STAB2: variants seen among roughly 807,000 people sequenced by gnomAD.
The protein encoded by STAB2 is stabilin-2.
A neutral mutation model predicts 338.1 loss-of-function variants in STAB2; 288 were observed. The observed-to-expected ratio is 0.85, with a 90% CI of 0.77 to 0.94. The LOEUF (loss-of-function observed/expected upper bound fraction) is 0.94. STAB2 is among the 40% of genes least tolerant of loss of function. The probability of loss-of-function intolerance (pLI) is 0.00; values close to 1 mark genes in which losing one functional copy is unlikely to be tolerated. For synonymous variants in STAB2, 1,202 were observed against 1,193.3 expected (o/e 1.01, Z -0.15); for missense variants, 3,141 against 3,210.1 (o/e 0.98, Z 0.52).
At chr12:103,701,646 T>C (rs965191396) in intron 34 of STAB2, among the ~76,000 whole-genome samples, 2 of 152,212 alleles carry the variant, frequency 1.3e-5, no homozygotes, top group Non-Finnish European at 2.9e-5. Context: ...TTTTAGTATT[T>C]AAAAATAGCT....
intron 9 of STAB2, among the ~76,000 whole-genome samples, chr12:103,640,512 G>A (rs1872846613): frequency 6.6e-6 from 1 of 152,110 alleles, no homozygotes; most frequent in Non-Finnish European, 1.5e-5. Flanking sequence ...GATATGAAGT[G>A]GTCAGAATGT....
intron 3 of STAB2, among the ~76,000 whole-genome samples, chr12:103,614,440 A>G (rs972037135): frequency 6.6e-6 from 1 of 152,210 alleles, no homozygotes; most frequent in East Asian, 1.9e-4. Context: ...TAGCCACTGG[A>G]GGCTATACCT....
At chr12:103,663,540 G>T (rs1404435968) in intron 18 of STAB2, among the ~76,000 whole-genome samples, 1 of 151,992 alleles carries the variant, frequency 6.6e-6, no homozygotes, top group African/African-American at 2.4e-5. Context: ...TAGAGATGGG[G>T]TTTCACCATC....
At chr12:103,689,756 T>A (rs1877760213) in intron 28 of STAB2, 90 bp from the exon 29 acceptor site, 11 of 1,506,634 alleles carry the variant, frequency 7.3e-6, no homozygotes, top group African/African-American at 1.4e-5. Context: ...CAGTATCTTA[T>A]GGGAAATTGT....
chr12:103,677,740 A>G (rs2138847673), intron 25 of STAB2, 129 bp downstream of exon 25: 4 of 1,184,802 alleles, frequency 3.4e-6, no homozygotes, highest in African/African-American at 1.5e-5. Context: ...GGCAGTGAAC[A>G]TGGGTTCATT....
rs1042910669 is a variant in STAB2, at chr12:103,637,230, T to C, written c.703T>C (p.Cys235Arg). The change falls in exon 7 of 69, where the codon TGC becomes CGC. Residue 235 changes from cysteine to arginine, a missense_variant. Coordinates refer to ENST00000388887, the MANE Select transcript of STAB2 (RefSeq NM_017564.10). Reference sequence around the variant, plus strand: ...CAATTACCGAGGCGATGGCAAATACTGCGACCGTGAGTAGAATTTAGATTC... The same window carrying C: ...CAATTACCGAGGCGATGGCAAATACCGCGACCGTGAGTAGAATTTAGATTC... ...LPNYRGDGKY[C>R]DPINPCLRKI... 7 of 1,610,798 alleles carry C rather than the reference T, an allele frequency of 4.3e-6. No individual in the cohort carries two copies. The highest frequency in any genetic ancestry group is 4.0e-5 in the African/African-American group (3 of 74,752).
chr12:103,689,858 C>T lies in STAB2; in HGVS notation c.3058C>T (p.Gln1020Ter). 1 of 1,613,822 alleles carries T rather than the reference C, an allele frequency of 6.2e-7. No individual in the cohort carries two copies. ...FNRWINNASL[Q>*]PTLSATSNLT... is the part of the protein sequence containing the mutation. ...TTCTGTGGTTCAGAATGCTTCTCTA[C>T]AACCCACACTGTCAGCCACCTCAAA... is the stretch of plus-strand genomic sequence containing the variant. The change falls in exon 29 of 69, where the codon CAA (glutamine) becomes TAA (stop). Residue 1020 changes from glutamine to a stop codon, truncating the protein, a stop_gained. Transcript: ENST00000388887. LOFTEE classifies it high-confidence loss of function.
In STAB2 at chr12:103,590,928, C is replaced by T; in HGVS notation, c.113C>T (p.Thr38Ile). Residue 38 changes from threonine to isoleucine, a missense_variant, in exon 2 of 69, where the codon ACA becomes ATA. Coordinates refer to ENST00000388887, the MANE Select transcript of STAB2 (RefSeq NM_017564.10). ...ARRCDRKSLL[T>I]IRTECRSCAL... ...AGATGTGATAGGAAGTCTCTTCTTACAATTAGGACCGAGTGCCGATCCTGC... is the reference window on the plus strand; with the variant it reads ...AGATGTGATAGGAAGTCTCTTCTTATAATTAGGACCGAGTGCCGATCCTGC... 5.0e-6 allele frequency: 8 copies of T among 1,614,006 alleles called. No homozygotes were observed. The highest frequency in any genetic ancestry group is 6.8e-6 in the Non-Finnish European group (8 of 1,179,984).
At chr12:103,603,489 T>C (rs1408227735) in intron 3 of STAB2, among the ~76,000 whole-genome samples, 2 of 152,232 alleles carry the variant, frequency 1.3e-5, no homozygotes, top group African/African-American at 2.4e-5. Flanking sequence ...CCTCATAAAA[T>C]TGCCTTTGGA....
At chr12:103,667,094 C>T (rs3752879) in intron 19 of STAB2, among the ~76,000 whole-genome samples, 83,665 of 152,044 alleles carry the variant, frequency 0.55, 24,270 homozygotes, top group East Asian at 0.8. Context: ...AAGAACTTAC[C>T]AATGAGAAGT....
chr12:103,661,242 G>C (rs571242175), intron 17 of STAB2, among the ~76,000 whole-genome samples: 1 of 149,054 alleles, frequency 6.7e-6, no homozygotes, highest in African/African-American at 2.5e-5. Flanking sequence ...AAAAAAGAGA[G>C]AGAGCATGTG....
At position 103,705,636 on chromosome 12, in the gene STAB2, A is replaced by T. The variant is rs1469616489; in HGVS notation, c.3905A>T (p.Asn1302Ile). ...GTAGTCATTAATATTTCACAGGGTA[A>T]TGAGAAGAGGAGATGCATCTATACC... Reference protein sequence around the residue: ...TCPFGTKSLGNEKRRCIYTSY... With the variant: ...TCPFGTKSLGIEKRRCIYTSY... Residue 1302 changes from asparagine (N) to isoleucine (I), a missense_variant, in exon 37 of 69, where the codon AAT becomes ATT. By Grantham distance (149) the Asn-to-Ile change is moderately radical. Transcript: ENST00000388887. 1.2e-6 allele frequency: 2 copies of T among 1,613,990 alleles called. No individual in the cohort carries two copies. The highest frequency in any genetic ancestry group is 1.7e-6 in the Non-Finnish European group (2 of 1,179,924).
chr12:103,660,578 A>T, intron 16 of STAB2, 105 bp from the exon 17 acceptor site: 1 of 1,369,908 alleles, frequency 7.3e-7, no homozygotes, highest in Non-Finnish European at 1.0e-6. Flanking sequence ...AACTCCCTTT[A>T]CTTATTTCAC....
At chr12:103,712,528 G>A in intron 41 of STAB2, 85 bp downstream of exon 41, 1 of 1,025,298 alleles carries the variant, frequency 9.8e-7, no homozygotes, top group Non-Finnish European at 1.5e-6. Context: ...GTCTGAATGG[G>A]CCTCAGCAGC....
chr12:103,616,542 A>T (rs967952848), intron 3 of STAB2, among the ~76,000 whole-genome samples: 14 of 152,344 alleles, frequency 9.2e-5, no homozygotes, highest in African/African-American at 3.4e-4. Flanking sequence ...CATTGCCTGA[A>T]AATGTAAAAA....
intron 3 of STAB2, among the ~76,000 whole-genome samples, chr12:103,611,207 C>T (rs1957116622): frequency 6.6e-6 from 1 of 152,150 alleles, no homozygotes; most frequent in Non-Finnish European, 1.5e-5. Flanking sequence ...ATTAGGTCCG[C>T]ATGGTGCAGA....
intron 43 of STAB2, among the ~76,000 whole-genome samples, chr12:103,717,216 T>C (rs1880388011): frequency 6.6e-6 from 1 of 152,296 alleles, no homozygotes; most frequent in South Asian, 2.1e-4. Context: ...CATGGGACCT[T>C]GTCCCCAGCT....
rs1880442979 is a variant in STAB2 at position 103,717,792 on chromosome 12, C to A, written c.4634C>A (p.Ala1545Glu). Residue 1545 changes from alanine to glutamate, a missense_variant, in exon 44 of 69, where the codon GCA becomes GAA. Coordinates refer to ENST00000388887, the MANE Select transcript of STAB2 (RefSeq NM_017564.10). ...CAGGCTGCCTGTAACTGTTTGCCAGCATACACTGGAGATGGAAAGGTCTGC... is the reference window on the plus strand; with the variant it reads ...CAGGCTGCCTGTAACTGTTTGCCAGAATACACTGGAGATGGAAAGGTCTGC... ...PNQAACNCLP[A>E]YTGDGKVCTL... 2 of 1,614,020 alleles carry A rather than the reference C, an allele frequency of 1.2e-6. No individual in the cohort carries two copies. Among genetic ancestry groups the A allele is most frequent in the African/African-American group, 1.3e-5 (1 of 74,916 alleles).
chr12:103,704,861 C>T (rs1049790490), intron 36 of STAB2: 1 of 362,726 alleles, frequency 2.8e-6, no homozygotes, highest in Non-Finnish European at 5.0e-6. Context: ...TTTTTATGCT[C>T]TACGTCTTTC....
Sources: allele counts gnomAD v4.1 joint callset (sites outside exome capture counted in the v4.1 genomes callset), GRCh38; gene constraint gnomAD v4.1.1; transcripts MANE v1.5; gene names NCBI Gene and HGNC (gene_info 2026-07-23, HGNC 2026-07-21).